Variants in CLVS1 observed in about 807,000 individuals in gnomAD.
CLVS1 encodes clavesin-1.
A neutral mutation model predicts 33.1 loss-of-function variants in CLVS1; 10 were observed. That is an observed-to-expected ratio of 0.30 (90% CI 0.19 to 0.51). CLVS1 has a LOEUF of 0.51. Ranked by LOEUF, CLVS1 falls within the 20% of genes least tolerant of loss-of-function variation. The probability of loss-of-function intolerance (pLI) is 0.97; values close to 1 mark genes in which losing one functional copy is unlikely to be tolerated. For missense variants in CLVS1, 343 were observed against 433.4 expected (o/e 0.79, Z 1.85); for synonymous variants, 163 against 166.1 (o/e 0.98, Z 0.14).
chr8:61,488,624 T>C (rs915343732), intron 5 of CLVS1, among the ~76,000 whole-genome samples: 3 of 152,188 alleles, frequency 2.0e-5, no homozygotes, highest in African/African-American at 7.2e-5. Context: ...ATTTAAATAA[T>C]TTCTCCTTCA....
At chr8:61,296,256 C>T (rs2931294) in intron 1 of CLVS1, among the ~76,000 whole-genome samples, 1 of 152,206 alleles carries the variant, frequency 6.6e-6, no homozygotes, top group Non-Finnish European at 1.5e-5. Context: ...TCCCCAGAAG[C>T]TTCTACTGTG....
the CLVS1 span, among the ~76,000 whole-genome samples, chr8:61,023,628 G>T: frequency 2.4e-3 from 366 of 152,294 alleles, 2 homozygotes; most frequent in African/African-American, 8.4e-3. Flanking sequence ...CAGGATCCTC[G>T]CCTGCGCCAT....
At chr8:61,157,357 G>A (rs190335460) in intron 2 of CLVS1, among the ~76,000 whole-genome samples, 80 of 152,262 alleles carry the variant, frequency 5.3e-4, no homozygotes, top group African/African-American at 1.7e-3. Context: ...AAATCAAGAT[G>A]TTTGACTTAT....
chr8:60,990,228 G>A, the CLVS1 span, among the ~76,000 whole-genome samples: 2 of 149,864 alleles, frequency 1.3e-5, no homozygotes, highest in Non-Finnish European at 3.0e-5. Flanking sequence ...CGGTGGATTT[G>A]TGTGGCTCCT....
chr8:61,301,694 C>T (rs1200031361), intron 2 of CLVS1, among the ~76,000 whole-genome samples: 1 of 152,136 alleles, frequency 6.6e-6, no homozygotes, highest in Non-Finnish European at 1.5e-5. Flanking sequence ...ACTCATGTTA[C>T]ACAACTAGTG....
the CLVS1 span, among the ~76,000 whole-genome samples, chr8:61,031,275 T>G: frequency 6.6e-6 from 1 of 152,190 alleles, no homozygotes; most frequent in Non-Finnish European, 1.5e-5. Flanking sequence ...TCTGCCACCC[T>G]CAGCACAACA....
At chr8:61,445,534 A>G (rs1816727496) in intron 3 of CLVS1, among the ~76,000 whole-genome samples, 1 of 152,108 alleles carries the variant, frequency 6.6e-6, no homozygotes, top group South Asian at 2.1e-4. Flanking sequence ...AGCTCCCTGA[A>G]GCCCTCACCA....
intron 1 of CLVS1, among the ~76,000 whole-genome samples, chr8:61,058,383 C>A (rs984387895): frequency 1.3e-5 from 2 of 152,154 alleles, no homozygotes; most frequent in African/African-American, 2.4e-5. Context: ...TTGACAGGAA[C>A]CTTTCTTTTA....
At chr8:61,070,836 C>T (rs1804781053) in intron 1 of CLVS1, among the ~76,000 whole-genome samples, 1 of 152,194 alleles carries the variant, frequency 6.6e-6, no homozygotes, top group Non-Finnish European at 1.5e-5. Flanking sequence ...GAGTGAGACC[C>T]TGTGTCTCTA....
chr8:61,316,062 C>A (rs1810996875), intron 2 of CLVS1, among the ~76,000 whole-genome samples: 1 of 152,160 alleles, frequency 6.6e-6, no homozygotes, highest in African/African-American at 2.4e-5. Flanking sequence ...ATGAACTCAT[C>A]CTTTTTTATG....
chr8:61,314,179 G>A (rs1435075573), intron 2 of CLVS1, among the ~76,000 whole-genome samples: 1 of 152,110 alleles, frequency 6.6e-6, no homozygotes, highest in African/African-American at 2.4e-5. Flanking sequence ...TGGCTTTTTT[G>A]TACTCAGTGT....
At chr8:61,122,365 G>C (rs1386033404) in intron 1 of CLVS1, among the ~76,000 whole-genome samples, 1 of 152,040 alleles carries the variant, frequency 6.6e-6, no homozygotes, top group African/African-American at 2.4e-5. Context: ...TCATACTCAG[G>C]ATCCTTACAA....
At chr8:61,488,335 A>T (rs2129608491) in intron 5 of CLVS1, among the ~76,000 whole-genome samples, 1 of 152,308 alleles carries the variant, frequency 6.6e-6, no homozygotes, top group South Asian at 2.1e-4. Context: ...GGCACAACGC[A>T]AGCTAGTTAT....
At chr8:61,376,996 G>T in intron 3 of CLVS1, 1 of 476,670 alleles carries the variant, frequency 2.1e-6, no homozygotes, top group Non-Finnish European at 3.7e-6. Flanking sequence ...GTTACCCCAG[G>T]CACAAATTAT....
intron 3 of CLVS1, among the ~76,000 whole-genome samples, chr8:61,439,000 T>A (rs959091092): frequency 3.3e-5 from 5 of 152,352 alleles, no homozygotes; most frequent in Middle Eastern, 3.4e-3. Context: ...TATACTTGCT[T>A]ATTGCAAACT....
chr8:61,057,395 CACACACA>C (rs1563387084), intron 1 of CLVS1, among the ~76,000 whole-genome samples: 1 of 151,688 alleles, frequency 6.6e-6, no homozygotes, highest in Admixed American at 6.6e-5. Flanking sequence ...CACACACACA[CACACACA>C]CACACACACA....
chr8:61,107,136 C>T (rs1019853007), intron 1 of CLVS1, among the ~76,000 whole-genome samples: 1 of 152,186 alleles, frequency 6.6e-6, no homozygotes, highest in African/African-American at 2.4e-5. Context: ...GCAGACTTGA[C>T]ACAAACCAGG....
intron 3 of CLVS1, among the ~76,000 whole-genome samples, chr8:61,448,799 A>G (rs1242487797): frequency 6.6e-6 from 1 of 151,846 alleles, no homozygotes; most frequent in Non-Finnish European, 1.5e-5. Flanking sequence ...CTACTTTTTC[A>G]TCTGCATCAT....
chr8:61,322,871 A>G (rs941872168), intron 2 of CLVS1, among the ~76,000 whole-genome samples: 3 of 152,152 alleles, frequency 2.0e-5, no homozygotes, highest in African/African-American at 7.2e-5. Context: ...TATCTTAAAT[A>G]TAAATATTCA....
Sources: gnomAD v4.1 joint callset for allele counts (sites outside exome capture counted in the v4.1 genomes callset) on GRCh38, gnomAD v4.1.1 for gene constraint, MANE v1.5 for transcripts, NCBI Gene and HGNC (gene_info 2026-07-23, HGNC 2026-07-21) for gene names.